FCHO2: variants seen among roughly 807,000 people sequenced by gnomAD.
The protein encoded by FCHO2 is FCH and mu domain containing endocytic adaptor 2, also known as F-BAR domain only protein 2.
Under a neutral mutation model 114.1 loss-of-function variants are expected in FCHO2, and 43 were observed. The observed-to-expected ratio is 0.38, with a 90% CI of 0.30 to 0.49. The LOEUF (loss-of-function observed/expected upper bound fraction) is 0.49. FCHO2 is among the 20% of genes least tolerant of loss of function. FCHO2 has a pLI of 0.97. For synonymous variants in FCHO2, 293 were observed against 315.2 expected, an observed-to-expected ratio of 0.93 and a Z score of 0.75; for missense variants, 807 against 950.4, an observed-to-expected ratio of 0.85 and a Z score of 1.98.
chr5:73,001,671 A>G (rs751869992), intron 5 of FCHO2, among the ~76,000 whole-genome samples: 1 of 151,756 alleles, frequency 6.6e-6, no homozygotes, highest in Non-Finnish European at 1.5e-5. Context: ...TAGGCTGGGC[A>G]TGGTGGTGGC....
chr5:73,005,399 C>T (rs1383954739), intron 5 of FCHO2, among the ~76,000 whole-genome samples: 1 of 152,150 alleles, frequency 6.6e-6, no homozygotes, highest in Non-Finnish European at 1.5e-5. Flanking sequence ...TGAGCTCTTG[C>T]ATCCTCCACA....
At position 72,965,635 on chromosome 5, in the gene FCHO2, A is replaced by G. The variant is rs116308757; in HGVS notation, c.34-2863A>G. Among the ~76,000 whole-genome samples the G allele has an allele frequency of 3.9e-3, 597 of 152,322 alleles. 2 individuals are homozygous for G. Among genetic ancestry groups the G allele is most frequent in the African/African-American group, 0.013 (554 of 41,586 alleles). On this transcript the variant is annotated intron_variant, in intron 1 of 25. Coordinates refer to ENST00000430046, the MANE Select transcript of FCHO2 (RefSeq NM_138782.3). ...ACTGGAGAGCTGTCATTGCATGTCT[A>G]TTGAGTTCTCATCAAAGCGTATCTG...
chr5:72,979,675 G>A (rs1753090802), intron 2 of FCHO2, among the ~76,000 whole-genome samples: 1 of 152,062 alleles, frequency 6.6e-6, no homozygotes, highest in Middle Eastern at 3.2e-3. Context: ...ACAGGCGTGA[G>A]CCACCGCGCC....
At chr5:73,022,073 A>G (rs1397624293) in intron 8 of FCHO2, among the ~76,000 whole-genome samples, 2 of 152,200 alleles carry the variant, frequency 1.3e-5, no homozygotes, top group East Asian at 1.9e-4. Flanking sequence ...TTGATCCTGG[A>G]TCACAAATCA....
At chr5:73,048,978 G>A (rs949318782) in intron 11 of FCHO2, among the ~76,000 whole-genome samples, 3 of 144,776 alleles carry the variant, frequency 2.1e-5, no homozygotes, top group South Asian at 2.2e-4. Context: ...CCGGGTTCAC[G>A]CCATTCTCCT....
At chr5:73,027,284 A>G (rs562156435) in intron 8 of FCHO2, among the ~76,000 whole-genome samples, 9 of 151,300 alleles carry the variant, frequency 5.9e-5, no homozygotes, top group Admixed American at 5.3e-4. Flanking sequence ...ATTTTACTTT[A>G]TGCTATTTAT....
chr5:72,989,442 G>A lies in FCHO2; in HGVS notation c.141G>A (p.Glu47=). 3 of 1,606,302 alleles carry A rather than the reference G, an allele frequency of 1.9e-6. No homozygotes were observed. Among genetic ancestry groups the A allele is most frequent in the Non-Finnish European group, 2.6e-6 (3 of 1,176,136 alleles). The stretch of plus-strand genomic sequence containing the variant: ...GATTTAACAGAGCTACCATAGAGGA[G>A]GCATACTCCAGGTCAATGACAAAAC... ...DFVRERATIE[E]AYSRSMTKLA... is the part of the protein sequence containing the mutation. The change falls in exon 3 of 26, where the codon GAG becomes GAA. Residue 47 remains glutamate (E), a synonymous_variant. Coordinates refer to ENST00000430046, the MANE Select transcript of FCHO2 (RefSeq NM_138782.3).
chr5:72,972,293 G>A (rs1321059586), intron 2 of FCHO2, among the ~76,000 whole-genome samples: 1 of 151,470 alleles, frequency 6.6e-6, no homozygotes, highest in Non-Finnish European at 1.5e-5. Flanking sequence ...ACCTTGGGCA[G>A]TATGGCCATT....
At chr5:73,027,511 A>T (rs534684281) in intron 8 of FCHO2, among the ~76,000 whole-genome samples, 3 of 152,186 alleles carry the variant, frequency 2.0e-5, no homozygotes, top group South Asian at 2.1e-4. Flanking sequence ...AAAGATTTTT[A>T]AAAATTTTTC....
intron 2 of FCHO2, among the ~76,000 whole-genome samples, chr5:72,982,679 T>A (rs1201824548): frequency 1.3e-5 from 2 of 152,202 alleles, no homozygotes; most frequent in Non-Finnish European, 2.9e-5. Context: ...TAGATACTGT[T>A]CTAAAAAGTC....
chr5:73,026,466 G>T (rs780228033), intron 8 of FCHO2, among the ~76,000 whole-genome samples: 1 of 150,614 alleles, frequency 6.6e-6, no homozygotes, highest in Non-Finnish European at 1.5e-5. Flanking sequence ...GCAAGATTCC[G>T]TCTCAAAAAA....
At chr5:73,011,430 C>T (rs913276514) in intron 6 of FCHO2, among the ~76,000 whole-genome samples, 3 of 151,978 alleles carry the variant, frequency 2.0e-5, no homozygotes, top group African/African-American at 7.2e-5. Flanking sequence ...TATCCTTACT[C>T]GATCAGCTTT....
chr5:73,028,684 T>C (rs1756072405), intron 8 of FCHO2, among the ~76,000 whole-genome samples: 1 of 140,928 alleles, frequency 7.1e-6, no homozygotes, highest in African/African-American at 2.7e-5. Context: ...AGAGTCTCGC[T>C]CTGTCACCCA....
chr5:73,015,989 T>A (rs1002125457), intron 7 of FCHO2, among the ~76,000 whole-genome samples: 1 of 152,198 alleles, frequency 6.6e-6, no homozygotes, highest in East Asian at 1.9e-4. Context: ...TCTAAAGCTA[T>A]CAACTTTTGA....
intron 5 of FCHO2, among the ~76,000 whole-genome samples, chr5:73,004,053 A>G (rs1754586593): frequency 6.7e-6 from 1 of 150,290 alleles, no homozygotes; most frequent in Non-Finnish European, 1.5e-5. Flanking sequence ...ATCTCAAAAA[A>G]AAAAAAAAAA....
intron 7 of FCHO2, among the ~76,000 whole-genome samples, chr5:73,016,032 A>C (rs1213681185): frequency 6.6e-6 from 1 of 152,122 alleles, no homozygotes; most frequent in Non-Finnish European, 1.5e-5. Context: ...CTATTTTTAA[A>C]TTTAAAGCAG....
Position 73,063,912 on chromosome 5 carries a change from A to T in FCHO2, c.1417A>T (p.Thr473Ser), listed in dbSNP as rs746142284. 4 of 1,611,562 alleles carry T rather than the reference A, an allele frequency of 2.5e-6. No individual in the cohort carries two copies. Among genetic ancestry groups the T allele is most frequent in the East Asian group, 2.2e-5 (1 of 44,818 alleles). Reference protein sequence around the residue: ...PPRPASRPKLTSGKLSGINEI... With the variant: ...PPRPASRPKLSSGKLSGINEI... The stretch of plus-strand genomic sequence containing the variant: ...GAGGCCTGCTTCCAGACCAAAGCTT[A>T]CTTCAGGCAAACTCAGTGGGATTAA... The change falls in exon 18 of 26, where the codon ACT (threonine) becomes TCT (serine). Residue 473 changes from threonine (T) to serine (S), a missense_variant. Thr to Ser is a moderately conservative substitution (Grantham distance 58, BLOSUM62 1). Coordinates refer to ENST00000430046, the MANE Select transcript of FCHO2 (RefSeq NM_138782.3).
At chr5:73,081,534 G>A (rs1561498228) in intron 22 of FCHO2, among the ~76,000 whole-genome samples, 1 of 152,170 alleles carries the variant, frequency 6.6e-6, no homozygotes, top group African/African-American at 2.4e-5. Context: ...CAGATTTTCT[G>A]CAGTTGGAGC....
Position 72,990,468 on chromosome 5 carries a change from A to T in FCHO2, c.201-10A>T. 1.3e-6 allele frequency: 2 copies of T among 1,490,760 alleles called. No individual in the cohort carries two copies. Among genetic ancestry groups the T allele is most frequent in the Non-Finnish European group, 1.8e-6 (2 of 1,123,942 alleles). The allele number at this position is 1,490,760 out of a possible 1,614,324, so 92.3% of individuals were successfully genotyped here. ...TTAATAAGTTATTCCCATATTTTTTATTTTCTTAGAACATTTGCACCAGTA... is the reference window on the plus strand; with the variant it reads ...TTAATAAGTTATTCCCATATTTTTTTTTTTCTTAGAACATTTGCACCAGTA... On this transcript the variant is annotated splice_polypyrimidine_tract_variant and intron_variant, in intron 3 of 25. Transcript: ENST00000430046.
Sources: allele counts gnomAD v4.1 joint callset (sites outside exome capture counted in the v4.1 genomes callset), GRCh38; gene constraint gnomAD v4.1.1; transcripts MANE v1.5; gene names NCBI Gene and HGNC (gene_info 2026-07-23, HGNC 2026-07-21).